Variants in RFT1 observed in about 807,000 individuals in gnomAD.
RFT1 encodes the protein RFT1 glycolipid translocator homolog.
A neutral mutation model predicts 62.2 loss-of-function variants in RFT1; 43 were observed. That is an observed-to-expected ratio of 0.69 (90% CI 0.54 to 0.89). RFT1 has a LOEUF of 0.89. Among genes scored for constraint, RFT1 ranks in the 40% least tolerant of loss-of-function variants. The pLI, the probability that RFT1 is intolerant of heterozygous loss-of-function variation, is 0.00. For synonymous variants in RFT1, 262 were observed against 264.6 expected (o/e 0.99, Z 0.10); for missense variants, 605 against 649.9 (o/e 0.93, Z 0.75).
chr3:53,101,577 G>C (rs769019615), intron 10 of RFT1, among the ~76,000 whole-genome samples: 2 of 152,092 alleles, frequency 1.3e-5, no homozygotes, highest in African/African-American at 4.8e-5. Context: ...TGAATTGAGG[G>C]GTGTTTTAAG....
At chr3:53,073,902 G>A in the RFT1 span, among the ~76,000 whole-genome samples, 11 of 152,310 alleles carry the variant, frequency 7.2e-5, no homozygotes, top group Admixed American at 5.2e-4. Context: ...CAAGGACATC[G>A]GAGTTCCAGG....
intron 6 of RFT1, 111 bp downstream of exon 6, chr3:53,119,773 G>T: frequency 9.7e-7 from 1 of 1,032,206 alleles, no homozygotes; most frequent in Non-Finnish European, 1.4e-6. Context: ...ATAAATATGA[G>T]CTATAAAATT....
chr3:53,081,595 A>C, the RFT1 span, among the ~76,000 whole-genome samples: 1 of 152,156 alleles, frequency 6.6e-6, no homozygotes, highest in Non-Finnish European at 1.5e-5. Flanking sequence ...AGGCACAGAG[A>C]GGCAAGATCT....
chr3:53,095,788 C>G (rs958331946), intron 11 of RFT1, among the ~76,000 whole-genome samples: 8 of 152,208 alleles, frequency 5.3e-5, no homozygotes, highest in African/African-American at 1.9e-4. Flanking sequence ...GAAGAAGCCC[C>G]CAGCAGGTGC....
chr3:53,086,964 G>A (rs910604419), downstream of RFT1, among the ~76,000 whole-genome samples: 4 of 152,298 alleles, frequency 2.6e-5, no homozygotes, highest in East Asian at 3.9e-4. Flanking sequence ...GAGGCCAGGC[G>A]CGGTGGCTCA....
At chr3:53,101,696 G>A (rs1236182594) in intron 10 of RFT1, among the ~76,000 whole-genome samples, 2 of 152,144 alleles carry the variant, frequency 1.3e-5, no homozygotes, top group Admixed American at 6.5e-5. Context: ...GTTAAAATGA[G>A]GTCATTAGGG....
chr3:53,104,120 G>A lies in RFT1; in HGVS notation c.958-23C>T, dbSNP rs1166306284. 5 of 1,613,814 alleles carry A rather than the reference G, an allele frequency of 3.1e-6. No homozygotes were observed. The South Asian group carries it at 3.3e-5, about 11-fold the overall frequency. On this transcript the variant is annotated intron_variant, in intron 9 of 12. Transcript: ENST00000296292. Reference sequence around the variant, plus strand: ...CTCCTGGGGCCAGGGAAGAGGGAAGGAAGTTGGATGAATCATGAGCTGAAG... The same window carrying A: ...CTCCTGGGGCCAGGGAAGAGGGAAGAAAGTTGGATGAATCATGAGCTGAAG...
At chr3:53,097,370 A>G (rs1344105650) in intron 11 of RFT1, among the ~76,000 whole-genome samples, 1 of 152,232 alleles carries the variant, frequency 6.6e-6, no homozygotes, top group East Asian at 1.9e-4. Flanking sequence ...TGAAAACTGC[A>G]CTTAATATCA....
At chr3:53,098,149 G>C (rs1701196586) in intron 11 of RFT1, among the ~76,000 whole-genome samples, 1 of 152,230 alleles carries the variant, frequency 6.6e-6, no homozygotes, top group African/African-American at 2.4e-5. Flanking sequence ...CGTTTTTACT[G>C]TGAAAGCTGG....
At chr3:53,109,015 G>C (rs978306880) in intron 7 of RFT1, among the ~76,000 whole-genome samples, 1 of 152,098 alleles carries the variant, frequency 6.6e-6, no homozygotes, top group Non-Finnish European at 1.5e-5. Flanking sequence ...CCTTAATTCT[G>C]TATTTGTGGG....
chr3:53,084,136 G>T (rs1437919684), downstream of RFT1, among the ~76,000 whole-genome samples: 2 of 152,240 alleles, frequency 1.3e-5, no homozygotes, highest in African/African-American at 4.8e-5. Context: ...AGATAAGAGT[G>T]TGCTCCAAGG....
intron 2 of RFT1, among the ~76,000 whole-genome samples, chr3:53,125,649 G>A (rs1283866580): frequency 6.6e-6 from 1 of 152,254 alleles, no homozygotes; most frequent in Non-Finnish European, 1.5e-5. Context: ...ACTTCCAAGA[G>A]CAGGAAAACC....
rs997220777 is a variant in RFT1, at chr3:53,115,473, T to C, written c.697-3565A>G. Among the ~76,000 whole-genome samples the C allele has an allele frequency of 3.9e-5, 6 of 152,282 alleles. No homozygotes were observed. The South Asian group carries it at 6.2e-4, about 16-fold the overall frequency. ...GCCCCTGAATTAAACCCAAGCTCCA[T>C]AGCACTGAGGCCACTGCCACCTGAC... On this transcript the variant is annotated intron_variant, in intron 6 of 12. Transcript: ENST00000296292.
At chr3:53,106,027 G>A (rs529567108) in intron 8 of RFT1, among the ~76,000 whole-genome samples, 9 of 151,650 alleles carry the variant, frequency 5.9e-5, no homozygotes, top group Non-Finnish European at 1.3e-4. Flanking sequence ...GAGCCAGGGA[G>A]TTTGAGATGA....
intron 3 of RFT1, 82 bp downstream of exon 3, chr3:53,123,642 T>C: frequency 9.1e-7 from 1 of 1,098,946 alleles, no homozygotes; most frequent in Non-Finnish European, 1.4e-6. Flanking sequence ...CAATTCAGCT[T>C]TAGGCACGTG....
intron 9 of RFT1, 64 bp downstream of exon 9, chr3:53,105,609 C>G: frequency 6.4e-7 from 1 of 1,563,042 alleles, no homozygotes; most frequent in Non-Finnish European, 8.8e-7. Flanking sequence ...CTGCTTCACA[C>G]TCCTGTCTGT....
intron 1 of RFT1, among the ~76,000 whole-genome samples, chr3:53,129,278 A>C (rs540504110): frequency 2.0e-5 from 3 of 152,364 alleles, no homozygotes; most frequent in African/African-American, 7.2e-5. Flanking sequence ...ACATTTATTA[A>C]GTACTTGTAG....
At position 53,106,835 on chromosome 3, in the gene RFT1, C is replaced by T. The variant is rs1412574098; in HGVS notation, c.810G>A (p.Leu270=). The T allele has an allele frequency of 6.2e-7, 1 of 1,613,138 alleles. No individual in the cohort carries two copies. The highest frequency in any genetic ancestry group is 1.7e-5 in the Admixed American group (1 of 59,998). The change falls in exon 8 of 13, where the codon TTG becomes TTA. Residue 270 remains leucine, a synonymous_variant. Coordinates refer to ENST00000296292, the MANE Select transcript of RFT1 (RefSeq NM_052859.4). ...TCATCTTACCCTGATCACCAAAGTT[C>T]AATACATTCAAAAATGTCATCACAT... ...ERYVMTFLNV[L]NFGDQGVYDI...
rs9875573 is a variant in RFT1 at position 53,089,063 on chromosome 3, A to T, written c.*2840T>A. 24,468 of 152,036 alleles carry T rather than the reference A, an allele frequency of 0.16. 2,843 individuals are homozygous for T. The highest frequency in any genetic ancestry group is 0.33 in the African/African-American group (13,677 of 41,340). The allele number at this position is 152,036 out of a possible 1,614,324, so 9.4% of individuals were successfully genotyped here. Reference sequence around the variant, plus strand: ...GGCAAGAGAATCGCTTGAACCCAGGAGGCAGAGCTCGCAGTGAGCCGAGAT... The same window carrying T: ...GGCAAGAGAATCGCTTGAACCCAGGTGGCAGAGCTCGCAGTGAGCCGAGAT... On this transcript the variant is annotated 3_prime_UTR_variant, in exon 13 of 13. Transcript: ENST00000296292.
Sources: allele counts gnomAD v4.1 joint callset (sites outside exome capture counted in the v4.1 genomes callset), GRCh38; gene constraint gnomAD v4.1.1; transcripts MANE v1.5; gene names NCBI Gene and HGNC (gene_info 2026-07-23, HGNC 2026-07-21).